Variants in TRIM71 observed in about 807,000 individuals in gnomAD.
TRIM71 encodes E3 ubiquitin-protein ligase TRIM71.
A neutral mutation model predicts 61.2 loss-of-function variants in TRIM71; 9 were observed. The observed-to-expected ratio is 0.15, with a 90% CI of 0.09 to 0.26. TRIM71 has a LOEUF of 0.26. Ranked by LOEUF, TRIM71 falls within the 10% of genes least tolerant of loss-of-function variation. The pLI is 1.00. For missense variants in TRIM71, 998 were observed against 1,238.7 expected (o/e 0.81, Z 2.92); for synonymous variants, 645 against 553.2 (o/e 1.17, Z -2.33).
In TRIM71 at chr3:32,818,776, C is replaced by T. The variant is rs1696093333; in HGVS notation, c.696C>T (p.Leu232=). Residue 232 remains leucine, a synonymous_variant, in exon 1 of 4, where the codon CTC becomes CTT. Coordinates refer to ENST00000383763, the MANE Select transcript of TRIM71 (RefSeq NM_001039111.3). ...TCCGAGCGCACCAGCGCGTGCGCCT[C>T]ACCAAGGACCACTACATCGAGCGCG... ...NCVRAHQRVR[L]TKDHYIERGP... 6.2e-7 allele frequency: 1 copy of T among 1,608,000 alleles called. No individual in the cohort carries two copies. Among genetic ancestry groups the T allele is most frequent in the Non-Finnish European group, 8.5e-7 (1 of 1,178,484 alleles).
chr3:32,891,427 G>A lies in TRIM71; in HGVS notation c.2223G>A (p.Gly741=), dbSNP rs750376014. The A allele has an allele frequency of 3.7e-6, 6 of 1,613,984 alleles. No homozygotes were observed. Among genetic ancestry groups the A allele is most frequent in the Non-Finnish European group, 4.2e-6 (5 of 1,180,006 alleles). Reference sequence around the variant, plus strand: ...TCCTAAACAAGTATGGCTTCGAGGGGGCTCTCTGGAAGCACTTTGACTCCC... The same window carrying A: ...TCCTAAACAAGTATGGCTTCGAGGGAGCTCTCTGGAAGCACTTTGACTCCC... ...GVFLNKYGFE[G]ALWKHFDSPR... The change falls in exon 4 of 4, where the codon GGG becomes GGA. Residue 741 remains glycine, a synonymous_variant. Coordinates refer to ENST00000383763, the MANE Select transcript of TRIM71 (RefSeq NM_001039111.3). This position sits in a 1 kb window ranked among gnomAD's most constrained non-coding sequence, Gnocchi z 8.2.
intron 1 of TRIM71, among the ~76,000 whole-genome samples, chr3:32,856,257 TC>T (rs1192550070): frequency 6.6e-6 from 1 of 152,154 alleles, no homozygotes; most frequent in Non-Finnish European, 1.5e-5. Flanking sequence ...GACCTCGTGA[TC>T]CGCCTGCCTC....
At chr3:32,833,634 T>TTTA (rs1696300189) in intron 1 of TRIM71, among the ~76,000 whole-genome samples, 6 of 146,788 alleles carry the variant, frequency 4.1e-5, no homozygotes, top group East Asian at 4.0e-4. Context: ...GAGAATGCTT[T>TTTA]TTTATTTATT....
At chr3:32,840,754 TG>T (rs1696395012) in intron 1 of TRIM71, among the ~76,000 whole-genome samples, 1 of 151,194 alleles carries the variant, frequency 6.6e-6, no homozygotes, top group South Asian at 2.1e-4. Flanking sequence ...CCTGGAATGT[TG>T]ATCACCTTGG....
intron 1 of TRIM71, among the ~76,000 whole-genome samples, chr3:32,823,826 G>A (rs1045951248): frequency 5.3e-5 from 8 of 152,184 alleles, no homozygotes; most frequent in East Asian, 1.9e-4. Context: ...GAGCCACCGC[G>A]CCTTTGGGAG....
chr3:32,851,118 C>A (rs866047379), intron 1 of TRIM71, among the ~76,000 whole-genome samples: 25 of 152,306 alleles, frequency 1.6e-4, no homozygotes, highest in African/African-American at 6.0e-4. Flanking sequence ...GTTCAGCTTA[C>A]ACATTTTAAA....
At chr3:32,856,122 G>A (rs1041484034) in intron 1 of TRIM71, among the ~76,000 whole-genome samples, 27 of 152,198 alleles carry the variant, frequency 1.8e-4, no homozygotes, top group Middle Eastern at 3.4e-3. Flanking sequence ...GGTTCACACC[G>A]TTCTCCTGCC....
At chr3:32,879,108 C>T (rs927978363) in intron 2 of TRIM71, among the ~76,000 whole-genome samples, 2 of 152,336 alleles carry the variant, frequency 1.3e-5, no homozygotes, top group South Asian at 2.1e-4. Flanking sequence ...ATCACTCATC[C>T]TGTCTTAGCT....
intron 2 of TRIM71, among the ~76,000 whole-genome samples, chr3:32,878,642 A>T (rs181080356): frequency 6.6e-6 from 1 of 152,182 alleles, no homozygotes; most frequent in African/African-American, 2.4e-5. Context: ...AAATAAATAA[A>T]AATTTTAAAA....
chr3:32,853,668 A>G (rs1696564444), intron 1 of TRIM71, among the ~76,000 whole-genome samples: 1 of 152,200 alleles, frequency 6.6e-6, no homozygotes, highest in Admixed American at 6.5e-5. Context: ...TTGTGCTGAG[A>G]TAGCCCGTGG....
At chr3:32,872,630 T>C (rs567247035) in intron 1 of TRIM71, among the ~76,000 whole-genome samples, 35 of 152,296 alleles carry the variant, frequency 2.3e-4, no homozygotes, top group Non-Finnish European at 4.7e-4. Flanking sequence ...GAATCTCACA[T>C]CCTGGATCTC....
chr3:32,865,784 GCCCGCCGGCCCCCCCCCC>G lies in TRIM71; in HGVS notation c.853-8030_853-8013del, dbSNP rs995249426. On this transcript the variant is annotated intron_variant, in intron 1 of 3. Transcript: ENST00000383763. Reference sequence around the variant, plus strand: ...CACTATCTGGACCTTTTAATTTGCCGCCCGCCGGCCCCCCCCCCCCCCCGCCCCACCTTTTTTTTTTTT... The same window carrying G: ...CACTATCTGGACCTTTTAATTTGCCGCCCCCGCCCCACCTTTTTTTTTTTT... Among the ~76,000 whole-genome samples the G allele has an allele frequency of 9.9e-4, 9 of 9,050 alleles. 2 individuals carry two copies. In the Admixed American group the frequency reaches 0.013, roughly 13 times the overall value. 5.9% of individuals were successfully genotyped at this position (9,050 alleles called of 152,430 possible).
At chr3:32,820,152 T>A (rs1170684582) in intron 1 of TRIM71, among the ~76,000 whole-genome samples, 1 of 152,206 alleles carries the variant, frequency 6.6e-6, no homozygotes, top group Non-Finnish European at 1.5e-5. Context: ...AGCTGGAGAC[T>A]GCAGAGGCTT....
At chr3:32,819,461 C>G (rs560363091) in intron 1 of TRIM71, among the ~76,000 whole-genome samples, 32 of 152,214 alleles carry the variant, frequency 2.1e-4, no homozygotes, top group Non-Finnish European at 4.0e-4. Context: ...CACGTGCGCA[C>G]TTGTGAGGGG....
At chr3:32,841,852 G>A (rs982763416) in intron 1 of TRIM71, among the ~76,000 whole-genome samples, 4 of 152,042 alleles carry the variant, frequency 2.6e-5, no homozygotes, top group Admixed American at 2.6e-4. Flanking sequence ...AATTTCTGTA[G>A]TGACAGGAGT....
chr3:32,863,693 G>GT (rs914708216), intron 1 of TRIM71, among the ~76,000 whole-genome samples: 8 of 151,858 alleles, frequency 5.3e-5, no homozygotes, highest in Non-Finnish European at 8.8e-5. Context: ...TTTTGTTTTT[G>GT]TTTTTTTGAG....
intron 2 of TRIM71, among the ~76,000 whole-genome samples, chr3:32,882,595 G>A (rs1696921425): frequency 6.6e-6 from 1 of 152,008 alleles, no homozygotes. Flanking sequence ...CCAGGCTGGG[G>A]GGCGCGGTGG....
At chr3:32,865,804 C>A (rs1300073369) in intron 1 of TRIM71, among the ~76,000 whole-genome samples, 1 of 68,810 alleles carries the variant, frequency 1.5e-5, no homozygotes, top group Non-Finnish European at 3.0e-5. Flanking sequence ...CCCCCCCCCC[C>A]CCCGCCCCAC....
intron 1 of TRIM71, among the ~76,000 whole-genome samples, chr3:32,831,530 A>G (rs1044297065): frequency 3.2e-4 from 43 of 134,028 alleles, no homozygotes; most frequent in Non-Finnish European, 5.6e-4. Context: ...AATGTTGCTT[A>G]TCTTCCTTTT....
Sources: allele counts gnomAD v4.1 joint callset (sites outside exome capture counted in the v4.1 genomes callset), GRCh38; gene constraint gnomAD v4.1.1; non-coding constraint Gnocchi (gnomAD v3.1); transcripts MANE v1.5; gene names NCBI Gene and HGNC (gene_info 2026-07-23, HGNC 2026-07-21).